ELP4: variants seen among roughly 807,000 people sequenced by gnomAD.
The protein encoded by ELP4 is elongator complex protein 4.
A neutral mutation model predicts 48.9 loss-of-function variants in ELP4; 51 were observed. The ratio of observed to expected loss-of-function variants is 1.04; its 90% CI spans 0.83 to 1.32. The LOEUF is 1.32. Among genes scored for constraint, ELP4 ranks in the 40% most tolerant of loss-of-function variants. The pLI is 0.00. For missense variants in ELP4, 519 were observed against 514.6 expected (o/e 1.01, Z -0.08); for synonymous variants, 210 against 189.2 (o/e 1.11, Z -0.90).
intron 2 of ELP4, among the ~76,000 whole-genome samples, chr11:31,527,876 C>CT (rs1956323438): frequency 1.3e-5 from 2 of 152,132 alleles, no homozygotes; most frequent in Non-Finnish European, 2.9e-5. Flanking sequence ...TCTGCCACTG[C>CT]TGATTCACTT....
At chr11:31,569,632 A>C (rs1957164133) in intron 3 of ELP4, among the ~76,000 whole-genome samples, 2 of 152,068 alleles carry the variant, frequency 1.3e-5, no homozygotes, top group African/African-American at 2.4e-5. Context: ...AGGCTGAGGC[A>C]GGAGAATCAC....
intron 5 of ELP4, among the ~76,000 whole-genome samples, chr11:31,609,871 A>G (rs1957944469): frequency 1.3e-5 from 2 of 152,210 alleles, no homozygotes; most frequent in South Asian, 4.2e-4. Context: ...CCCTGTCTCT[A>G]CAAAAACAAA....
At chr11:31,513,951 A>T (rs961905322) in intron 1 of ELP4, among the ~76,000 whole-genome samples, 5 of 152,206 alleles carry the variant, frequency 3.3e-5, no homozygotes, top group African/African-American at 1.2e-4. Context: ...TGTCTAAAAT[A>T]TCAAGCTTGC....
At chr11:31,597,766 T>C (rs960588848) in intron 4 of ELP4, among the ~76,000 whole-genome samples, 1 of 151,706 alleles carries the variant, frequency 6.6e-6, no homozygotes, top group African/African-American at 2.4e-5. Context: ...GAGATGGCGT[T>C]TCATCATGTT....
rs929795515 is a variant in ELP4, at chr11:31,767,573, CCAAA to C, written c.1144-15812_1144-15809del. 5.3e-5 allele frequency: 8 copies of C among 152,034 alleles called. No homozygotes were observed. The East Asian group carries it at 1.2e-3, about 22-fold the overall frequency. The allele number at this position is 152,034 out of a possible 1,614,324, so 9.4% of individuals were successfully genotyped here. ...TTTAGAAACATGCATTTTGATTAAG[CCAAA>C]CAAACAACCAAAAAAAAAGACCCTA... On this transcript the variant is annotated intron_variant, in intron 9 of 9. Coordinates refer to ENST00000640961, the MANE Select transcript of ELP4 (RefSeq NM_019040.5).
chr11:31,616,842 A>G (rs1358735821), intron 5 of ELP4, among the ~76,000 whole-genome samples: 1 of 152,112 alleles, frequency 6.6e-6, no homozygotes, highest in Non-Finnish European at 1.5e-5. Context: ...CCATTAGACA[A>G]ATACAAGTCA....
intron 9 of ELP4, among the ~76,000 whole-genome samples, chr11:31,757,131 C>G (rs545495812): frequency 7.2e-4 from 109 of 152,250 alleles, no homozygotes; most frequent in Non-Finnish European, 1.3e-3. Context: ...TCAAAATATG[C>G]CTTCTACTTA....
chr11:31,730,591 T>G (rs1467540157), intron 9 of ELP4, among the ~76,000 whole-genome samples: 1 of 152,158 alleles, frequency 6.6e-6, no homozygotes, highest in Non-Finnish European at 1.5e-5. Context: ...CCCAAGGGAC[T>G]GGCTTCTGTG....
In ELP4 at chr11:31,788,871, T is replaced by C. The variant is rs117590302; in HGVS notation, c.*5347T>C. ...TGAAAGTAACCATTGGTTTAGAATG[T>C]TGATCTAACATGGAAATAAAATTTG... On this transcript the variant is annotated 3_prime_UTR_variant, in exon 10 of 10. Coordinates refer to ENST00000640961, the MANE Select transcript of ELP4 (RefSeq NM_019040.5). 747 of 201,832 alleles carry C rather than the reference T, an allele frequency of 3.7e-3. 34 individuals are homozygous for C. In the East Asian group the frequency reaches 0.051, roughly 14 times the overall value. 12.5% of individuals were successfully genotyped at this position (201,832 alleles called of 1,614,324 possible). A position where few individuals can be genotyped will look rare whatever the true frequency, so the allele number is the denominator to read the frequency against.
At chr11:31,573,703 C>T (rs1957222204) in intron 3 of ELP4, 1 of 152,082 alleles carries the variant, frequency 6.6e-6, no homozygotes, top group Admixed American at 6.6e-5. Flanking sequence ...TCTCCAAATA[C>T]CATCTCATTA....
intron 9 of ELP4, among the ~76,000 whole-genome samples, chr11:31,704,790 C>A (rs1175208512): frequency 1.3e-5 from 2 of 151,986 alleles, no homozygotes; most frequent in Non-Finnish European, 2.9e-5. Context: ...GTGGGTGGAT[C>A]ACCTGAGGTG....
At chr11:31,595,290 A>T (rs571160167) in intron 4 of ELP4, among the ~76,000 whole-genome samples, 1 of 152,286 alleles carries the variant, frequency 6.6e-6, no homozygotes, top group East Asian at 1.9e-4. Context: ...TCTATCTGGT[A>T]ATGTCATCTA....
chr11:31,739,246 A>G (rs1031839777), intron 9 of ELP4, among the ~76,000 whole-genome samples: 1 of 152,192 alleles, frequency 6.6e-6, no homozygotes, highest in African/African-American at 2.4e-5. Context: ...CATTTCTGGA[A>G]AGTATACATG....
chr11:31,724,232 A>C (rs2134190884), intron 9 of ELP4, among the ~76,000 whole-genome samples: 1 of 152,292 alleles, frequency 6.6e-6, no homozygotes, highest in African/African-American at 2.4e-5. Context: ...GACTGGGAAG[A>C]GGAAGGATGT....
chr11:31,699,000 A>G (rs1172096977), intron 9 of ELP4, among the ~76,000 whole-genome samples: 1 of 152,214 alleles, frequency 6.6e-6, no homozygotes, highest in African/African-American at 2.4e-5. Flanking sequence ...ATTATACACC[A>G]TGCACACTCA....
At chr11:31,754,067 A>G (rs529082512) in intron 9 of ELP4, among the ~76,000 whole-genome samples, 226 of 152,312 alleles carry the variant, frequency 1.5e-3, no homozygotes, top group African/African-American at 5.4e-3. Flanking sequence ...CTACGTAAAT[A>G]CACACATGCC....
intron 3 of ELP4, among the ~76,000 whole-genome samples, chr11:31,584,941 A>G (rs1957449785): frequency 6.6e-6 from 1 of 152,200 alleles, no homozygotes; most frequent in African/African-American, 2.4e-5. Context: ...CCCTTATGGT[A>G]CTGTAATGAG....
intron 5 of ELP4, among the ~76,000 whole-genome samples, chr11:31,608,515 T>TG (rs1957917742): frequency 6.7e-6 from 1 of 149,966 alleles, no homozygotes; most frequent in Admixed American, 6.6e-5. Context: ...TTTGATGGGG[T>TG]CCTGGTGAGC....
chr11:31,597,011 G>C (rs1957680932), intron 4 of ELP4, among the ~76,000 whole-genome samples: 1 of 152,096 alleles, frequency 6.6e-6, no homozygotes. Context: ...TATTAGCTAG[G>C]ATGGGGGAAG....
Sources: gnomAD v4.1 joint callset for allele counts (sites outside exome capture counted in the v4.1 genomes callset) on GRCh38, gnomAD v4.1.1 for gene constraint, MANE v1.5 for transcripts, NCBI Gene and HGNC (gene_info 2026-07-23, HGNC 2026-07-21) for gene names.